Variants in ZDHHC17 observed in about 807,000 individuals in gnomAD.
ZDHHC17 encodes zDHHC palmitoyltransferase 17, also known as palmitoyltransferase ZDHHC17.
Under a neutral mutation model 90.3 loss-of-function variants are expected in ZDHHC17, and 40 were observed. The observed-to-expected ratio is 0.44, with a 90% CI of 0.34 to 0.58. The LOEUF is 0.58. ZDHHC17 is among the 20% of genes least tolerant of loss of function. The pLI is 0.01. For synonymous variants in ZDHHC17, 235 were observed against 252.4 expected, an observed-to-expected ratio of 0.93 and a Z score of 0.65; for missense variants, 614 against 780.8, an observed-to-expected ratio of 0.79 and a Z score of 2.55.
chr12:76,834,456 G>C (rs1056331938), intron 10 of ZDHHC17, among the ~76,000 whole-genome samples: 31 of 152,098 alleles, frequency 2.0e-4, no homozygotes, highest in Admixed American at 1.4e-3. Context: ...AAAAAATCAA[G>C]AATGTGCAGA....
chr12:76,784,208 T>A (rs1378498743), intron 1 of ZDHHC17, among the ~76,000 whole-genome samples: 3 of 152,212 alleles, frequency 2.0e-5, no homozygotes, highest in African/African-American at 7.2e-5. Flanking sequence ...ATTTCAAAAA[T>A]TTTTTTGCAC....
chr12:76,836,397 T>C (rs1027826865), intron 10 of ZDHHC17, among the ~76,000 whole-genome samples: 1 of 152,012 alleles, frequency 6.6e-6, no homozygotes, highest in South Asian at 2.1e-4. Flanking sequence ...ATGTGCTACA[T>C]TCTCTCTTGT....
chr12:76,780,737 G>A lies in ZDHHC17; in HGVS notation c.93+16408G>A, dbSNP rs886581743. On this transcript the variant is annotated intron_variant, in intron 1 of 16. Coordinates refer to ENST00000426126, the MANE Select transcript of ZDHHC17 (RefSeq NM_015336.4). The stretch of plus-strand genomic sequence containing the variant: ...ACTTTTCAATAGCATTGATGTAGTT[G>A]ATCTCTCTTTGATAAACTTCTTCAC... 2.0e-5 allele frequency among the ~76,000 whole-genome samples: 3 copies of A among 152,264 alleles called. No homozygotes were observed. The East Asian group carries it at 5.8e-4, about 29-fold the overall frequency.
intron 1 of ZDHHC17, among the ~76,000 whole-genome samples, chr12:76,786,491 A>T (rs1952688857): frequency 6.6e-6 from 1 of 152,086 alleles, no homozygotes; most frequent in Non-Finnish European, 1.5e-5. Flanking sequence ...CCTGAACTCA[A>T]GCAGTCCACC....
intron 3 of ZDHHC17, among the ~76,000 whole-genome samples, chr12:76,806,746 C>T (rs970132527): frequency 1.3e-5 from 2 of 152,196 alleles, no homozygotes; most frequent in Non-Finnish European, 2.9e-5. Context: ...CTCCTGAGCA[C>T]AGGCAGTTCA....
intron 2 of ZDHHC17, among the ~76,000 whole-genome samples, chr12:76,798,496 A>G (rs1952849451): frequency 1.3e-5 from 2 of 151,934 alleles, no homozygotes; most frequent in Non-Finnish European, 2.9e-5. Flanking sequence ...ACATCACTTG[A>G]GATCAGGAGT....
intron 1 of ZDHHC17, among the ~76,000 whole-genome samples, chr12:76,794,574 G>C (rs1012583524): frequency 6.6e-6 from 1 of 151,978 alleles, no homozygotes; most frequent in Non-Finnish European, 1.5e-5. Flanking sequence ...GATATGTTTA[G>C]TTAAAGGCAT....
intron 1 of ZDHHC17, among the ~76,000 whole-genome samples, chr12:76,794,682 G>GAA (rs201028731): frequency 2.7e-5 from 4 of 150,432 alleles, no homozygotes; most frequent in African/African-American, 9.8e-5. Flanking sequence ...TATGTTACTG[G>GAA]AAAAAAAAAG....
chr12:76,849,118 T>TACAA (rs1402724982), intron 15 of ZDHHC17, among the ~76,000 whole-genome samples: 1 of 48,438 alleles, frequency 2.1e-5, no homozygotes, highest in Non-Finnish European at 4.2e-5. Context: ...ACCCTATCTC[T>TACAA]AAAAAAAAAA....
chr12:76,786,259 A>T (rs1056297071), intron 1 of ZDHHC17, among the ~76,000 whole-genome samples: 1 of 151,668 alleles, frequency 6.6e-6, no homozygotes, highest in Non-Finnish European at 1.5e-5. Flanking sequence ...TGTGCCATTA[A>T]GCCTGGCTAA....
At chr12:76,816,079 A>C in intron 7 of ZDHHC17, 60 bp downstream of exon 7, 1 of 1,311,260 alleles carries the variant, frequency 7.6e-7, no homozygotes, top group Non-Finnish European at 9.8e-7. Flanking sequence ...GAATTCTGTA[A>C]TAAAACAAGT....
chr12:76,817,034 C>T (rs557807422), intron 7 of ZDHHC17, among the ~76,000 whole-genome samples: 2 of 152,034 alleles, frequency 1.3e-5, no homozygotes, highest in South Asian at 2.1e-4. Flanking sequence ...GCCTGATAAG[C>T]GATGGGCACT....
At chr12:76,765,278 G>A (rs1952418676) in intron 1 of ZDHHC17, among the ~76,000 whole-genome samples, 2 of 152,134 alleles carry the variant, frequency 1.3e-5, no homozygotes, top group South Asian at 4.1e-4. Flanking sequence ...GAGTGATTCT[G>A]TTTTTTTCTG....
intron 7 of ZDHHC17, among the ~76,000 whole-genome samples, chr12:76,816,850 A>G (rs986700240): frequency 6.6e-6 from 1 of 152,080 alleles, no homozygotes; most frequent in Admixed American, 6.6e-5. Flanking sequence ...TCTAATTACA[A>G]ACATTTAGTT....
intron 1 of ZDHHC17, among the ~76,000 whole-genome samples, chr12:76,786,242 A>G (rs896294496): frequency 6.6e-6 from 1 of 151,742 alleles, no homozygotes; most frequent in Admixed American, 6.6e-5. Context: ...TGCTGGGATT[A>G]CAGGTGTGTG....
In ZDHHC17 at chr12:76,853,178, T is replaced by C. The variant is rs1953584717; in HGVS notation, c.*2193T>C. The stretch of plus-strand genomic sequence containing the variant: ...ACATGGAAAATACTAGCAATGTGAA[T>C]GCTTTTGTAGTAACCATCTTGTAGT... On this transcript the variant is annotated 3_prime_UTR_variant, in exon 17 of 17. Coordinates refer to ENST00000426126, the MANE Select transcript of ZDHHC17 (RefSeq NM_015336.4). The C allele has an allele frequency of 6.6e-6, 1 of 152,202 alleles. No individual in the cohort carries two copies. Among genetic ancestry groups the C allele is most frequent in the African/African-American group, 2.4e-5 (1 of 41,466 alleles). 9.4% of individuals were successfully genotyped at this position (152,202 alleles called of 1,614,324 possible).
intron 1 of ZDHHC17, among the ~76,000 whole-genome samples, chr12:76,770,889 G>A (rs1288711790): frequency 1.4e-5 from 2 of 145,832 alleles, no homozygotes; most frequent in South Asian, 2.1e-4. Flanking sequence ...AGCTAAGATC[G>A]TGCCATCCTG....
chr12:76,849,549 T>C, intron 16 of ZDHHC17, 79 bp downstream of exon 16: 2 of 819,390 alleles, frequency 2.4e-6, no homozygotes, highest in South Asian at 1.8e-5. Context: ...TACTTAGTGA[T>C]ATGTAAAATA....
chr12:76,819,644 T>C (rs1037255684), intron 7 of ZDHHC17, among the ~76,000 whole-genome samples: 1 of 152,204 alleles, frequency 6.6e-6, no homozygotes, highest in Admixed American at 6.5e-5. Context: ...TCAGTTCTTT[T>C]CATGTATAAA....
Sources: allele counts gnomAD v4.1 joint callset (sites outside exome capture counted in the v4.1 genomes callset), GRCh38; gene constraint gnomAD v4.1.1; transcripts MANE v1.5; gene names NCBI Gene and HGNC (gene_info 2026-07-23, HGNC 2026-07-21).